RNF220: variants seen among roughly 807,000 people sequenced by gnomAD.
RNF220 encodes ring finger protein 220, also known as E3 ubiquitin-protein ligase RNF220.
RNF220 carries 7 observed loss-of-function variants against 67.1 expected under a neutral mutation model. That is an observed-to-expected ratio of 0.10 (90% confidence interval 0.06 to 0.20). The LOEUF is 0.20. Among genes scored for constraint, RNF220 ranks in the 10% least tolerant of loss-of-function variants. The probability of loss-of-function intolerance (pLI) is 1.00; values close to 1 mark genes in which losing one functional copy is unlikely to be tolerated. For synonymous variants in RNF220, 270 were observed against 283.2 expected, an observed-to-expected ratio of 0.95 and a Z score of 0.47; for missense variants, 565 against 740.3, an observed-to-expected ratio of 0.76 and a Z score of 2.75.
chr1:44,563,326 C>G (rs1166133115), intron 2 of RNF220, among the ~76,000 whole-genome samples: 1 of 152,210 alleles, frequency 6.6e-6, no homozygotes, highest in South Asian at 2.1e-4. Context: ...GGTGGCCCCC[C>G]TGCTTCAGGA....
intron 2 of RNF220, among the ~76,000 whole-genome samples, chr1:44,557,612 A>G (rs978639325): frequency 4.6e-5 from 7 of 152,212 alleles, no homozygotes; most frequent in African/African-American, 1.7e-4. Flanking sequence ...AGGGATGTAC[A>G]TGACTGTGTC....
Position 44,614,317 on chromosome 1 carries a change from G to A in RNF220, c.758+20G>A. Reference sequence around the variant, plus strand: ...CTCGAGGTAAGCCACCTCCCAGGGAGCCTGCCTGCTGGAGGAGTCCACTCA... The same window carrying A: ...CTCGAGGTAAGCCACCTCCCAGGGAACCTGCCTGCTGGAGGAGTCCACTCA... On this transcript the variant is annotated intron_variant, in intron 3 of 14. Coordinates refer to ENST00000361799, the MANE Select transcript of RNF220 (RefSeq NM_018150.4). 6.2e-6 allele frequency: 10 copies of A among 1,612,106 alleles called. No individual in the cohort carries two copies. Among genetic ancestry groups the A allele is most frequent in the Non-Finnish European group, 8.5e-6 (10 of 1,178,912 alleles).
chr1:44,432,190 A>G (rs536615241), intron 2 of RNF220, among the ~76,000 whole-genome samples: 1 of 152,222 alleles, frequency 6.6e-6, no homozygotes, highest in East Asian at 1.9e-4. Flanking sequence ...TAAAGTATGC[A>G]TTGGGGAGGG....
intron 2 of RNF220, among the ~76,000 whole-genome samples, chr1:44,442,675 C>T (rs1214610438): frequency 6.6e-6 from 1 of 151,962 alleles, no homozygotes; most frequent in Non-Finnish European, 1.5e-5. Context: ...CTACCATGCT[C>T]AGCTAATTTT....
At chr1:44,631,783 TG>T in intron 5 of RNF220, 1 of 477,988 alleles carries the variant, frequency 2.1e-6, no homozygotes, top group Non-Finnish European at 2.7e-6. Flanking sequence ...TGGAGTGGGG[TG>T]GAAGGACTTC....
chr1:44,504,745 C>T (rs77099606), intron 2 of RNF220, among the ~76,000 whole-genome samples: 1,951 of 152,218 alleles, frequency 0.013, 48 homozygotes, highest in African/African-American at 0.043. Flanking sequence ...TGGCACAGAC[C>T]GAGAATCTCT....
chr1:44,494,205 C>CAAAAAA (rs375116674), intron 2 of RNF220, among the ~76,000 whole-genome samples: 101 of 122,444 alleles, frequency 8.2e-4, no homozygotes, highest in Non-Finnish European at 1.2e-3. Flanking sequence ...GAAACTCTGT[C>CAAAAAA]AAAAAAAAAA....
rs1363614927 is a variant in RNF220 at position 44,645,126 on chromosome 1, A to G, written c.1310+45A>G. The G allele has an allele frequency of 1.9e-6, 3 of 1,612,906 alleles. No individual in the cohort carries two copies. The highest frequency in any genetic ancestry group is 2.5e-6 in the Non-Finnish European group (3 of 1,178,954). On this transcript the variant is annotated intron_variant, in intron 10 of 14. Transcript: ENST00000361799. The surrounding 1 kb of genome is among the most constrained non-coding windows in gnomAD (Gnocchi z 5.0). ...TGGGCGGGTGGAGCAGAGAAACAGG[A>G]AGCCCTGAGGCAGGGGTTAACGCAG...
chr1:44,564,451 C>T (rs1293373933), intron 2 of RNF220, among the ~76,000 whole-genome samples: 1 of 152,036 alleles, frequency 6.6e-6, no homozygotes, highest in African/African-American at 2.4e-5. Context: ...ATTGTGCAGC[C>T]AAGGTGAAGA....
chr1:44,435,975 G>A (rs1447236877), intron 2 of RNF220, among the ~76,000 whole-genome samples: 1 of 152,074 alleles, frequency 6.6e-6, no homozygotes, highest in East Asian at 1.9e-4. Flanking sequence ...GGATAGGTTA[G>A]GGTTAGAATC....
At chr1:44,618,862 T>C (rs1330446422) in intron 3 of RNF220, among the ~76,000 whole-genome samples, 1 of 151,806 alleles carries the variant, frequency 6.6e-6, no homozygotes, top group Non-Finnish European at 1.5e-5. Context: ...ACAGACCAGG[T>C]GGAGGAAGAA....
chr1:44,526,144 C>A (rs1660354922), intron 2 of RNF220, among the ~76,000 whole-genome samples: 1 of 152,182 alleles, frequency 6.6e-6, no homozygotes, highest in Non-Finnish European at 1.5e-5. Context: ...TCCATGAAAG[C>A]ATTTACTTTC....
At chr1:44,569,880 G>A (rs1271132946) in intron 2 of RNF220, among the ~76,000 whole-genome samples, 1 of 152,200 alleles carries the variant, frequency 6.6e-6, no homozygotes. Flanking sequence ...GCCCCAGCAG[G>A]AGTTCATAGT....
At chr1:44,630,119 A>G (rs2148467544) in intron 5 of RNF220, among the ~76,000 whole-genome samples, 1 of 152,294 alleles carries the variant, frequency 6.6e-6, no homozygotes, top group South Asian at 2.1e-4. Context: ...TTTGTTTTTC[A>G]TAGAGACAGG....
intron 2 of RNF220, among the ~76,000 whole-genome samples, chr1:44,573,485 A>G (rs1184170031): frequency 6.6e-6 from 1 of 152,254 alleles, no homozygotes; most frequent in Non-Finnish European, 1.5e-5. Context: ...AGCAGTGGGC[A>G]TCATGGAAAG....
intron 2 of RNF220, among the ~76,000 whole-genome samples, chr1:44,437,193 T>TC (rs1651066668): frequency 6.6e-6 from 1 of 152,174 alleles, no homozygotes; most frequent in Admixed American, 6.5e-5. Flanking sequence ...CGGTAGACTT[T>TC]CTGTTTCCAA....
At position 44,650,383 on chromosome 1, in the gene RNF220, GCTCGGACGTGGGCT is replaced by G; in HGVS notation, c.1630-318_1630-305del. ...TGTCGCCCGGAGACAGTAATAAAAG[GCTCGGACGTGGGCT>G]CTGTGTCCTGATCAAAGGCCGCGTG... On this transcript the variant is annotated intron_variant, in intron 14 of 14. Coordinates refer to ENST00000361799, the MANE Select transcript of RNF220 (RefSeq NM_018150.4). The surrounding 1 kb of genome is among the most constrained non-coding windows in gnomAD (Gnocchi z 4.3). 2.2e-6 allele frequency: 1 copy of G among 452,152 alleles called. No individual in the cohort carries two copies. The highest frequency in any genetic ancestry group is 4.0e-5 in the East Asian group (1 of 25,012). 28.0% of individuals were successfully genotyped at this position (452,152 alleles called of 1,614,324 possible). A position where few individuals can be genotyped will look rare whatever the true frequency, so the allele number is the denominator to read the frequency against.
At chr1:44,560,718 C>A (rs1558044585) in intron 2 of RNF220, among the ~76,000 whole-genome samples, 1 of 152,160 alleles carries the variant, frequency 6.6e-6, no homozygotes, top group South Asian at 2.1e-4. Context: ...TATGCCACCA[C>A]ACCCAGATAA....
At chr1:44,611,706 T>A (rs1643319070) in intron 2 of RNF220, among the ~76,000 whole-genome samples, 1 of 150,862 alleles carries the variant, frequency 6.6e-6, no homozygotes, top group Non-Finnish European at 1.5e-5. Context: ...CAGCACTGAC[T>A]GCAGTCACGG....
Sources: gnomAD v4.1 joint callset for allele counts (sites outside exome capture counted in the v4.1 genomes callset) on GRCh38, gnomAD v4.1.1 for gene constraint, Gnocchi (gnomAD v3.1) non-coding constraint, MANE v1.5 for transcripts, NCBI Gene and HGNC (gene_info 2026-07-23, HGNC 2026-07-21) for gene names.